The following ZFPM2 variants were observed in gnomAD, a reference collection of about 807,000 sequenced individuals.
ZFPM2 encodes zinc finger protein ZFPM2.
ZFPM2 carries 20 observed loss-of-function variants against 98.6 expected under a neutral mutation model. That is an observed-to-expected ratio of 0.20 (90% CI 0.14 to 0.29). ZFPM2 has a LOEUF of 0.29. Ranked by LOEUF, ZFPM2 falls within the 10% of genes least tolerant of loss-of-function variation. ZFPM2 has a pLI of 1.00. For missense variants in ZFPM2, 1,310 were observed against 1,388.6 expected, an observed-to-expected ratio of 0.94 and a Z score of 0.90; for synonymous variants, 518 against 502.7, an observed-to-expected ratio of 1.03 and a Z score of -0.41.
intron 5 of ZFPM2, among the ~76,000 whole-genome samples, chr8:105,720,777 C>G (rs1393807004): frequency 6.6e-6 from 1 of 151,792 alleles, no homozygotes; most frequent in Non-Finnish European, 1.5e-5. Flanking sequence ...CAGAAGCTTA[C>G]CAATAGCTCT....
intron 5 of ZFPM2, among the ~76,000 whole-genome samples, chr8:105,693,582 A>G (rs758808675): frequency 2.4e-4 from 37 of 152,316 alleles, no homozygotes; most frequent in Non-Finnish European, 4.0e-4. Context: ...ATATTTCAAA[A>G]TCAAGAATAT....
chr8:105,565,804 A>T (rs4734877), intron 4 of ZFPM2, among the ~76,000 whole-genome samples: 103,194 of 152,112 alleles, frequency 0.68, 36,562 homozygotes, highest in African/African-American at 0.91. Context: ...CCTTGGCGTT[A>T]GGGGATTTTT....
chr8:105,319,022 C>A, intron 1 of ZFPM2, 41 bp downstream of exon 1: 1 of 1,480,888 alleles, frequency 6.8e-7, no homozygotes, highest in Non-Finnish European at 9.0e-7. Flanking sequence ...GGGATTATTG[C>A]CCAGGAGCGG....
intron 2 of ZFPM2, among the ~76,000 whole-genome samples, chr8:105,420,880 A>T (rs146526472): frequency 6.6e-6 from 1 of 152,214 alleles, no homozygotes; most frequent in East Asian, 1.9e-4. Flanking sequence ...ATGGATTTAT[A>T]CCTTTTGTCA....
At chr8:105,491,025 C>A (rs888444518) in intron 3 of ZFPM2, among the ~76,000 whole-genome samples, 6 of 152,006 alleles carry the variant, frequency 3.9e-5, no homozygotes, top group African/African-American at 1.4e-4. Flanking sequence ...ATGCAAACAT[C>A]TTGTTTTTAG....
At chr8:105,711,114 G>A (rs1025457188) in intron 5 of ZFPM2, among the ~76,000 whole-genome samples, 2 of 151,752 alleles carry the variant, frequency 1.3e-5, no homozygotes, top group African/African-American at 2.4e-5. Context: ...GTGGGCTAAC[G>A]ATAGTTTTAA....
At chr8:105,603,237 T>C (rs1481489920) in intron 4 of ZFPM2, among the ~76,000 whole-genome samples, 1 of 152,108 alleles carries the variant, frequency 6.6e-6, no homozygotes, top group Non-Finnish European at 1.5e-5. Flanking sequence ...GGTGTACAAA[T>C]TTAGAATTAT....
chr8:105,368,815 G>A (rs2129801297), intron 1 of ZFPM2, among the ~76,000 whole-genome samples: 1 of 152,192 alleles, frequency 6.6e-6, no homozygotes, highest in Non-Finnish European at 1.5e-5. Context: ...AGAGTGCCTG[G>A]TGCATAATAG....
At chr8:105,344,965 C>A (rs907761423) in intron 1 of ZFPM2, among the ~76,000 whole-genome samples, 7 of 152,054 alleles carry the variant, frequency 4.6e-5, no homozygotes, top group African/African-American at 7.2e-5. Context: ...CCAACAGTGA[C>A]ACTGAGCACT....
intron 3 of ZFPM2, among the ~76,000 whole-genome samples, chr8:105,520,198 T>A (rs1006566934): frequency 6.6e-6 from 1 of 151,702 alleles, no homozygotes; most frequent in Admixed American, 6.6e-5. Flanking sequence ...AGGCAAACAT[T>A]TTCAAGTACA....
At chr8:105,800,465 A>G (rs1813967268) in intron 7 of ZFPM2, among the ~76,000 whole-genome samples, 1 of 152,188 alleles carries the variant, frequency 6.6e-6, no homozygotes, top group South Asian at 2.1e-4. Flanking sequence ...CTGGATAGAG[A>G]TAAACTATGT....
intron 4 of ZFPM2, among the ~76,000 whole-genome samples, chr8:105,623,926 C>T (rs377601070): frequency 6.6e-6 from 1 of 152,242 alleles, no homozygotes; most frequent in Non-Finnish European, 1.5e-5. Flanking sequence ...TTGGCCAATG[C>T]AAATAGTAAA....
intron 3 of ZFPM2, among the ~76,000 whole-genome samples, chr8:105,560,694 T>C (rs1422655062): frequency 6.6e-6 from 1 of 152,076 alleles, no homozygotes; most frequent in African/African-American, 2.4e-5. Flanking sequence ...TATACTGTCT[T>C]TACTTCCTAT....
At chr8:105,376,154 A>T (rs1422814277) in intron 1 of ZFPM2, among the ~76,000 whole-genome samples, 1 of 151,672 alleles carries the variant, frequency 6.6e-6, no homozygotes, top group East Asian at 1.9e-4. Context: ...TCCAATCTTC[A>T]CCTCTCTTAA....
At chr8:105,431,300 AT>A (rs1312304137) in intron 2 of ZFPM2, among the ~76,000 whole-genome samples, 2 of 152,152 alleles carry the variant, frequency 1.3e-5, no homozygotes, top group African/African-American at 4.8e-5. Context: ...TTACGTTACT[AT>A]GGAGGGTTTA....
chr8:105,609,607 G>A (rs564543201), intron 4 of ZFPM2, among the ~76,000 whole-genome samples: 8 of 152,214 alleles, frequency 5.3e-5, no homozygotes, highest in East Asian at 1.9e-4. Context: ...TCACTGCCCC[G>A]CCTTGCGTTG....
chr8:105,322,155 GC>G (rs1812038496), intron 1 of ZFPM2, among the ~76,000 whole-genome samples: 1 of 152,042 alleles, frequency 6.6e-6, no homozygotes, highest in Non-Finnish European at 1.5e-5. Context: ...CCATCTCCCC[GC>G]ACAGCTGCTC....
intron 5 of ZFPM2, among the ~76,000 whole-genome samples, chr8:105,707,152 A>G (rs1563530063): frequency 6.6e-6 from 1 of 151,602 alleles, no homozygotes; most frequent in Non-Finnish European, 1.5e-5. Flanking sequence ...CTGAAGCAGA[A>G]GGATCACTTG....
At chr8:105,520,987 A>T (rs1814041916) in intron 3 of ZFPM2, among the ~76,000 whole-genome samples, 1 of 152,126 alleles carries the variant, frequency 6.6e-6, no homozygotes, top group Non-Finnish European at 1.5e-5. Context: ...GACTGTGGTC[A>T]CAATGATGAC....
Sources: gnomAD v4.1 joint callset for allele counts (sites outside exome capture counted in the v4.1 genomes callset) on GRCh38, gnomAD v4.1.1 for gene constraint, MANE v1.5 for transcripts, NCBI Gene and HGNC (gene_info 2026-07-23, HGNC 2026-07-21) for gene names.